METTL15: variants seen among roughly 807,000 people sequenced by gnomAD.
The protein encoded by METTL15 is 12S rRNA N(4)-cytidine methyltransferase METTL15.
Under a neutral mutation model 38.3 loss-of-function variants are expected in METTL15, and 34 were observed. That is an observed-to-expected ratio of 0.89 (90% CI 0.68 to 1.18). METTL15 has a LOEUF of 1.18. Among genes scored for constraint, METTL15 ranks in the 50% most tolerant of loss-of-function variants. METTL15 has a pLI of 0.00. For missense variants in METTL15, 438 were observed against 498.4 expected, an observed-to-expected ratio of 0.88 and a Z score of 1.15; for synonymous variants, 162 against 170.9, an observed-to-expected ratio of 0.95 and a Z score of 0.41.
At chr11:28,192,362 A>G (rs537100808) in intron 3 of METTL15, among the ~76,000 whole-genome samples, 19 of 151,442 alleles carry the variant, frequency 1.3e-4, no homozygotes, top group Admixed American at 9.9e-4. Flanking sequence ...CCAGCCTTGC[A>G]TTCCTGGGAT....
chr11:28,369,445 A>G (rs1443634137), intron 5 of METTL15, among the ~76,000 whole-genome samples: 2 of 152,116 alleles, frequency 1.3e-5, no homozygotes, highest in Non-Finnish European at 2.9e-5. Context: ...AAATTCAAGG[A>G]GCTCAAAGGA....
chr11:28,277,837 A>G (rs1209729323), intron 4 of METTL15, among the ~76,000 whole-genome samples: 2 of 152,168 alleles, frequency 1.3e-5, no homozygotes, highest in Non-Finnish European at 2.9e-5. Flanking sequence ...ATATGTAGGA[A>G]TTAAACATTT....
chr11:28,289,853 T>C (rs970124806), intron 4 of METTL15, among the ~76,000 whole-genome samples: 1 of 152,180 alleles, frequency 6.6e-6, no homozygotes, highest in Non-Finnish European at 1.5e-5. Context: ...TTTGATAGAA[T>C]GACATATGCT....
chr11:28,347,624 C>T (rs1850006825), intron 3 of METTL15, among the ~76,000 whole-genome samples: 1 of 152,168 alleles, frequency 6.6e-6, no homozygotes. Context: ...TTTTACTGTG[C>T]AAAATACAGA....
At chr11:28,114,506 A>AGT (rs2133591045) in intron 3 of METTL15, among the ~76,000 whole-genome samples, 1 of 152,196 alleles carries the variant, frequency 6.6e-6, no homozygotes, top group South Asian at 2.1e-4. Context: ...GCTGGAGTGC[A>AGT]GTGGTGTGAT....
chr11:28,120,582 T>C (rs1485944454), intron 3 of METTL15, among the ~76,000 whole-genome samples: 2 of 152,222 alleles, frequency 1.3e-5, no homozygotes, highest in East Asian at 3.9e-4. Context: ...TTCCATGGGG[T>C]ACGTTCCTGA....
intron 6 of METTL15, among the ~76,000 whole-genome samples, chr11:28,520,357 A>G (rs1851755264): frequency 6.6e-6 from 1 of 152,128 alleles, no homozygotes; most frequent in Non-Finnish European, 1.5e-5. Context: ...AAAAAGAAAA[A>G]AAAGGAGTCA....
rs376393697 is a variant in METTL15, at chr11:28,433,162, TG to T, written c.*424+8799del. Among the ~76,000 whole-genome samples the T allele has an allele frequency of 5.0e-3, 543 of 108,304 alleles. 2 individuals carry two copies. Among genetic ancestry groups the T allele is most frequent in the Non-Finnish European group, 7.9e-3 (327 of 41,218 alleles). 71.1% of individuals were successfully genotyped at this position (108,304 alleles called of 152,430 possible). A position where few individuals can be genotyped will look rare whatever the true frequency, so the allele number is the denominator to read the frequency against. Reference sequence around the variant, plus strand: ...GCAGGACTTCTCTCAGGTTTTGTTTTGTTTTTTTTGTTTTTTTTTGGCTCTG... The same window carrying T: ...GCAGGACTTCTCTCAGGTTTTGTTTTTTTTTTTTGTTTTTTTTTGGCTCTG... On this transcript the variant is annotated intron_variant and NMD_transcript_variant, in intron 6 of 7. Transcript: ENST00000532947.
intron 6 of METTL15, among the ~76,000 whole-genome samples, chr11:28,429,410 C>T (rs1176544184): frequency 7.9e-6 from 1 of 127,324 alleles, no homozygotes; most frequent in Non-Finnish European, 1.6e-5. Flanking sequence ...GTCTCCCTCT[C>T]ATGCGGAGCC....
At chr11:28,341,800 T>G (rs1475047019) in intron 3 of METTL15, among the ~76,000 whole-genome samples, 2 of 152,218 alleles carry the variant, frequency 1.3e-5, no homozygotes, top group Non-Finnish European at 2.9e-5. Context: ...TCTCCACTTC[T>G]GGAGTGGACT....
intron 4 of METTL15, among the ~76,000 whole-genome samples, chr11:28,249,102 A>G (rs555229839): frequency 6.6e-6 from 1 of 152,108 alleles, no homozygotes; most frequent in East Asian, 1.9e-4. Context: ...AGACAATATG[A>G]GGTACTAGTC....
intron 3 of METTL15, among the ~76,000 whole-genome samples, chr11:28,195,199 A>G (rs1851865538): frequency 6.6e-6 from 1 of 152,086 alleles, no homozygotes; most frequent in Non-Finnish European, 1.5e-5. Context: ...TTGTTTTGAT[A>G]CAATGATTTC....
intron 3 of METTL15, among the ~76,000 whole-genome samples, chr11:28,173,311 A>T (rs1850928772): frequency 6.6e-6 from 1 of 152,090 alleles, no homozygotes; most frequent in Non-Finnish European, 1.5e-5. Context: ...ATGAAGGGGA[A>T]GAGTACCCTC....
At chr11:28,520,266 G>A (rs1851754187) in intron 6 of METTL15, among the ~76,000 whole-genome samples, 1 of 152,080 alleles carries the variant, frequency 6.6e-6, no homozygotes, top group African/African-American at 2.4e-5. Flanking sequence ...TGAGCCTGGG[G>A]AGGTTGAGGC....
At chr11:28,508,208 CCA>C (rs1487322371) in intron 6 of METTL15, among the ~76,000 whole-genome samples, 3 of 152,094 alleles carry the variant, frequency 2.0e-5, no homozygotes, top group Admixed American at 2.0e-4. Flanking sequence ...GCATTTATTA[CCA>C]CATGGAATGT....
intron 6 of METTL15, among the ~76,000 whole-genome samples, chr11:28,464,028 A>G (rs1851237026): frequency 6.6e-6 from 1 of 152,066 alleles, no homozygotes; most frequent in African/African-American, 2.4e-5. Flanking sequence ...TAGGGTGATG[A>G]TTTAATTTTA....
rs112837558 is a variant in METTL15, at chr11:28,151,925, A to G, written c.270+38321A>G. On this transcript the variant is annotated intron_variant, in intron 3 of 6. Transcript: ENST00000407364. ...TTCTTTAATTTTTATACCCACTGTT[A>G]TTGGTCCCACCCTCTTCCTTCAGAT... Among the ~76,000 whole-genome samples, 773 of 152,056 alleles carry G rather than the reference A, an allele frequency of 5.1e-3. 5 individuals carry two copies. The highest frequency in any genetic ancestry group is 0.014 in the Middle Eastern group (4 of 294).
chr11:28,115,669 TTATTA>T (rs1851911339), intron 3 of METTL15, among the ~76,000 whole-genome samples: 1 of 151,922 alleles, frequency 6.6e-6, no homozygotes, highest in Non-Finnish European at 1.5e-5. Flanking sequence ...TATTTACTAT[TTATTA>T]AGTGGAAGTA....
chr11:28,402,508 A>G (rs1850638824), intron 5 of METTL15, among the ~76,000 whole-genome samples: 1 of 151,922 alleles, frequency 6.6e-6, no homozygotes, highest in African/African-American at 2.4e-5. Context: ...ATTGTCTCTC[A>G]CTACCACTCC....
Sources: allele counts gnomAD v4.1 joint callset (sites outside exome capture counted in the v4.1 genomes callset), GRCh38; gene constraint gnomAD v4.1.1; transcripts MANE v1.5; gene names NCBI Gene and HGNC (gene_info 2026-07-23, HGNC 2026-07-21).